The following DTNB variants were observed in gnomAD, a reference collection of about 807,000 sequenced individuals.
The protein encoded by DTNB is DTN-B.
A neutral mutation model predicts 90.7 loss-of-function variants in DTNB; 63 were observed. The observed-to-expected ratio is 0.69, with a 90% CI of 0.57 to 0.86. The LOEUF (loss-of-function observed/expected upper bound fraction) is 0.86. Among genes scored for constraint, DTNB ranks in the 40% least tolerant of loss-of-function variants. DTNB has a pLI of 0.00. For missense variants in DTNB, 744 were observed against 807.1 expected, an observed-to-expected ratio of 0.92 and a Z score of 0.95; for synonymous variants, 277 against 286.7, an observed-to-expected ratio of 0.97 and a Z score of 0.34.
At chr2:25,478,111 T>C (rs2064113660) in intron 10 of DTNB, among the ~76,000 whole-genome samples, 1 of 152,218 alleles carries the variant, frequency 6.6e-6, no homozygotes, top group Non-Finnish European at 1.5e-5. Flanking sequence ...ATGCTATCTG[T>C]TACTTTCCTT....
intron 20 of DTNB, among the ~76,000 whole-genome samples, 198 bp from the exon 21 acceptor site, chr2:25,377,751 G>A (rs1285859591): frequency 1.3e-5 from 2 of 152,218 alleles, no homozygotes; most frequent in African/African-American, 4.8e-5. Context: ...TTCCGTGGAA[G>A]AAAGAATTGG....
intron 12 of DTNB, among the ~76,000 whole-genome samples, chr2:25,441,206 T>TTTTGG (rs1392675037): frequency 2.0e-5 from 3 of 152,196 alleles, no homozygotes; most frequent in Non-Finnish European, 1.5e-5. Flanking sequence ...AGGCAATCTG[T>TTTTGG]ATTGAACCAG....
intron 12 of DTNB, among the ~76,000 whole-genome samples, chr2:25,444,959 A>C (rs1360393625): frequency 6.6e-6 from 1 of 152,178 alleles, no homozygotes; most frequent in South Asian, 2.1e-4. Flanking sequence ...CCAAGATGAA[A>C]GGGCCCAAAC....
At chr2:25,492,048 G>A (rs2067634756) in intron 9 of DTNB, among the ~76,000 whole-genome samples, 1 of 151,966 alleles carries the variant, frequency 6.6e-6, no homozygotes, top group Non-Finnish European at 1.5e-5. Context: ...TATCTTTCAC[G>A]GCTGCACTTT....
At chr2:25,392,790 A>C (rs1338206201) in intron 16 of DTNB, among the ~76,000 whole-genome samples, 1 of 152,224 alleles carries the variant, frequency 6.6e-6, no homozygotes, top group African/African-American at 2.4e-5. Context: ...GACCAGATGG[A>C]TTCACAGCTG....
At position 25,531,497 on chromosome 2, in the gene DTNB, T is replaced by C; in HGVS notation, c.977A>G (p.Lys326Arg). 1 of 1,613,936 alleles carries C rather than the reference T, an allele frequency of 6.2e-7. No individual in the cohort carries two copies. The highest frequency in any genetic ancestry group is 1.7e-5 in the Admixed American group (1 of 60,016). ...PHPVFPEQPE[K>R]PLDLAHIVPP... ...CACTATATGTGCAAGGTCAAGTGGT[T>C]TCTCTGGTTGCTCAGGAAAAACAGG... The change falls in exon 9 of 21, where the codon AAA becomes AGA. Residue 326 changes from lysine (K) to arginine (R), a missense_variant. Lys to Arg is a conservative substitution (Grantham distance 26). Transcript: ENST00000406818.
intron 4 of DTNB, among the ~76,000 whole-genome samples, chr2:25,615,864 A>G (rs1332757222): frequency 1.3e-5 from 2 of 152,246 alleles, no homozygotes; most frequent in Admixed American, 1.3e-4. Context: ...ATAAGGTATG[A>G]GAATAAAGAT....
rs548824561 is a variant in DTNB at position 25,406,530 on chromosome 2, C to T, written c.1575+12985G>A. ...AGCCTGGGAAACAAGAGTGAAACTC[C>T]GTCTCAAAAAAAAAAAAAAAAATTC... On this transcript the variant is annotated intron_variant, in intron 16 of 20. Coordinates refer to ENST00000406818, the MANE Select transcript of DTNB (RefSeq NM_021907.5). 3.2e-4 allele frequency among the ~76,000 whole-genome samples: 47 copies of T among 146,524 alleles called. No individual in the cohort carries two copies. In the South Asian group the frequency reaches 4.9e-3, roughly 15 times the overall value.
At chr2:25,456,204 T>G (rs1019072364) in intron 10 of DTNB, among the ~76,000 whole-genome samples, 1 of 152,210 alleles carries the variant, frequency 6.6e-6, no homozygotes, top group African/African-American at 2.4e-5. Context: ...CAGGTACCCA[T>G]AGCAAAACTT....
At chr2:25,558,861 G>A (rs1335419158) in intron 8 of DTNB, among the ~76,000 whole-genome samples, 5 of 152,116 alleles carry the variant, frequency 3.3e-5, no homozygotes, top group African/African-American at 1.2e-4. Context: ...CCCTTGGGGG[G>A]CTCTAGAAAG....
chr2:25,479,672 G>C (rs2064509168), intron 10 of DTNB, among the ~76,000 whole-genome samples: 1 of 152,130 alleles, frequency 6.6e-6, no homozygotes, highest in South Asian at 2.1e-4. Flanking sequence ...GAAAAGTAAA[G>C]CTTACATTCA....
intron 6 of DTNB, among the ~76,000 whole-genome samples, chr2:25,593,257 A>G (rs75139186): frequency 0.011 from 1,633 of 152,344 alleles, 12 homozygotes; most frequent in Non-Finnish European, 0.017. Context: ...GCTGGGGGAA[A>G]GTGCATATGA....
chr2:25,457,081 C>G (rs954741310), intron 10 of DTNB, among the ~76,000 whole-genome samples: 5 of 152,096 alleles, frequency 3.3e-5, no homozygotes, highest in African/African-American at 1.2e-4. Flanking sequence ...GCAATCTCAG[C>G]TCACTGAAAC....
At chr2:25,448,152 A>AT (rs2058705492) in intron 12 of DTNB, among the ~76,000 whole-genome samples, 1 of 152,158 alleles carries the variant, frequency 6.6e-6, no homozygotes, top group South Asian at 2.1e-4. Context: ...AGCTCCCTGC[A>AT]TTTTTCCTCC....
At chr2:25,548,350 ATTC>A (rs756719621) in intron 8 of DTNB, among the ~76,000 whole-genome samples, 6 of 151,816 alleles carry the variant, frequency 4.0e-5, no homozygotes, top group Non-Finnish European at 8.8e-5. Flanking sequence ...TTGATTATGA[ATTC>A]TTGTCATTCC....
At position 25,639,002 on chromosome 2, in the gene DTNB, G is replaced by A; in HGVS notation, c.148+12C>T. On this transcript the variant is annotated intron_variant, in intron 3 of 20. Coordinates refer to ENST00000406818, the MANE Select transcript of DTNB (RefSeq NM_021907.5). Reference sequence around the variant, plus strand: ...TATCCAGCTATCACAGAAATGAGTAGAAATGACTCACGGTTGCATCGTTTT... The same window carrying A: ...TATCCAGCTATCACAGAAATGAGTAAAAATGACTCACGGTTGCATCGTTTT... The A allele has an allele frequency of 6.4e-7, 1 of 1,568,750 alleles. No individual in the cohort carries two copies.
At chr2:25,643,029 C>A (rs1258355340) in intron 2 of DTNB, among the ~76,000 whole-genome samples, 1 of 152,142 alleles carries the variant, frequency 6.6e-6, no homozygotes, top group Non-Finnish European at 1.5e-5. Flanking sequence ...GCTGGGATTA[C>A]AGGTGTGAGC....
At chr2:25,464,041 G>A (rs1443043766) in intron 10 of DTNB, among the ~76,000 whole-genome samples, 1 of 152,188 alleles carries the variant, frequency 6.6e-6, no homozygotes, top group Non-Finnish European at 1.5e-5. Context: ...AAGTAGCTGG[G>A]ACTACAGGTG....
chr2:25,388,063 A>C, intron 17 of DTNB, 139 bp downstream of exon 17: 1 of 1,395,932 alleles, frequency 7.2e-7, no homozygotes, highest in East Asian at 2.5e-5. Context: ...CCAGCACCTG[A>C]CTTATTTACA....
Sources: allele counts gnomAD v4.1 joint callset (sites outside exome capture counted in the v4.1 genomes callset), GRCh38; gene constraint gnomAD v4.1.1; transcripts MANE v1.5; gene names NCBI Gene and HGNC (gene_info 2026-07-23, HGNC 2026-07-21).